AUTS2: variants seen among roughly 807,000 people sequenced by gnomAD.
AUTS2 encodes autism susceptibility gene 2 protein.
AUTS2 carries 17 observed loss-of-function variants against 112.4 expected under a neutral mutation model. That is an observed-to-expected ratio of 0.15 (90% CI 0.10 to 0.23). The LOEUF is 0.23. Among genes scored for constraint, AUTS2 ranks in the 10% least tolerant of loss-of-function variants. The pLI, the probability that AUTS2 is intolerant of heterozygous loss-of-function variation, is 1.00. For synonymous variants in AUTS2, 751 were observed against 702.7 expected (o/e 1.07, Z -1.09); for missense variants, 1,510 against 1,701.6 (o/e 0.89, Z 1.98).
At chr7:70,693,699 T>A (rs567239525) in intron 5 of AUTS2, among the ~76,000 whole-genome samples, 1 of 152,364 alleles carries the variant, frequency 6.6e-6, no homozygotes, top group South Asian at 2.1e-4. Context: ...CCAGAGAGCC[T>A]GCTCTTTGCA....
intron 6 of AUTS2, among the ~76,000 whole-genome samples, chr7:70,727,056 T>C (rs930459879): frequency 3.9e-5 from 6 of 152,196 alleles, no homozygotes; most frequent in African/African-American, 1.4e-4. Context: ...CTGATGAATG[T>C]GTAGAATTAG....
intron 1 of AUTS2, among the ~76,000 whole-genome samples, chr7:69,794,807 C>G (rs1233500596): frequency 6.6e-6 from 1 of 152,110 alleles, no homozygotes; most frequent in Non-Finnish European, 1.5e-5. Context: ...GAAGAACCCA[C>G]AGAGATCAGG....
intron 2 of AUTS2, among the ~76,000 whole-genome samples, chr7:69,963,235 C>T (rs1797501785): frequency 6.6e-6 from 1 of 152,040 alleles, no homozygotes; most frequent in African/African-American, 2.4e-5. Context: ...AATAAGAGCC[C>T]ACTTGATAGT....
intron 4 of AUTS2, among the ~76,000 whole-genome samples, chr7:70,324,440 A>G (rs1790394416): frequency 6.6e-6 from 1 of 152,124 alleles, no homozygotes; most frequent in South Asian, 2.1e-4. Context: ...TGGGCAACAT[A>G]GCAAGACCCT....
intron 4 of AUTS2, among the ~76,000 whole-genome samples, chr7:70,277,983 T>TGG: frequency 6.7e-6 from 1 of 149,230 alleles, no homozygotes; most frequent in Non-Finnish European, 1.5e-5. Context: ...TGTGTGTGTG[T>TGG]ATGACAGTAC....
intron 2 of AUTS2, among the ~76,000 whole-genome samples, chr7:70,110,279 G>A (rs1427181547): frequency 6.6e-6 from 1 of 152,218 alleles, no homozygotes; most frequent in Non-Finnish European, 1.5e-5. Flanking sequence ...ACTTTGGGAG[G>A]CCGATGTGGC....
chr7:69,598,926 A>G lies in AUTS2; in HGVS notation c.-728A>G, dbSNP rs575948411. 6.5e-5 allele frequency: 10 copies of G among 153,706 alleles called. No homozygotes were observed. In the East Asian group the frequency reaches 1.7e-3, roughly 27 times the overall value. 9.5% of individuals were successfully genotyped at this position (153,706 alleles called of 1,614,324 possible). On this transcript the variant is annotated 5_prime_UTR_variant, in exon 1 of 19. Transcript: ENST00000342771. The stretch of plus-strand genomic sequence containing the variant: ...GCCTCCCTTCTCCTCCGCCGCTCGC[A>G]GTTTCGCCCTCTCTTCCGCTAATGA...
chr7:70,189,155 G>C (rs893694566), intron 4 of AUTS2, among the ~76,000 whole-genome samples: 1 of 152,150 alleles, frequency 6.6e-6, no homozygotes, highest in Admixed American at 6.5e-5. Flanking sequence ...TCAGGAGAGT[G>C]TGCCTGTAAA....
intron 5 of AUTS2, among the ~76,000 whole-genome samples, chr7:70,646,437 G>A (rs1383793738): frequency 6.6e-6 from 1 of 152,292 alleles, no homozygotes; most frequent in South Asian, 2.1e-4. Context: ...CGTCAAGCGT[G>A]CATCTCACTT....
At chr7:70,281,299 AC>A (rs2129610519) in intron 4 of AUTS2, among the ~76,000 whole-genome samples, 1 of 152,348 alleles carries the variant, frequency 6.6e-6, no homozygotes, top group South Asian at 2.1e-4. Flanking sequence ...TACCTGCAGT[AC>A]AGACCAGCCT....
intron 2 of AUTS2, among the ~76,000 whole-genome samples, chr7:69,972,591 G>A (rs913504513): frequency 1.3e-5 from 2 of 151,520 alleles, no homozygotes; most frequent in Non-Finnish European, 2.9e-5. Flanking sequence ...TCATATTTAA[G>A]TCCATGATCC....
At chr7:70,619,910 A>G (rs1804580610) in intron 5 of AUTS2, among the ~76,000 whole-genome samples, 2 of 152,142 alleles carry the variant, frequency 1.3e-5, no homozygotes, top group South Asian at 4.1e-4. Context: ...TTCACTGTTC[A>G]GGTACTTGAG....
At chr7:70,698,857 C>CT in intron 6 of AUTS2, 2 of 387,154 alleles carry the variant, frequency 5.2e-6, no homozygotes, top group Non-Finnish European at 9.2e-6. Context: ...TGACTAATCA[C>CT]TACTACTATG....
chr7:69,794,969 A>G (rs1789776430), intron 1 of AUTS2, among the ~76,000 whole-genome samples: 1 of 152,168 alleles, frequency 6.6e-6, no homozygotes, highest in Non-Finnish European at 1.5e-5. Flanking sequence ...ATAGTAGTTA[A>G]GAATATAGAC....
At chr7:69,897,321 TTA>T (rs1240330417) in intron 1 of AUTS2, among the ~76,000 whole-genome samples, 1 of 152,166 alleles carries the variant, frequency 6.6e-6, no homozygotes, top group Non-Finnish European at 1.5e-5. Flanking sequence ...ACTGAGTAGC[TTA>T]TAAACAAGAA....
In AUTS2 at chr7:70,093,290, G is replaced by A. The variant is rs569183497; in HGVS notation, c.523-24842G>A. 1.1e-3 allele frequency among the ~76,000 whole-genome samples: 166 copies of A among 152,310 alleles called. 1 individual carries two copies. Among genetic ancestry groups the A allele is most frequent in the Non-Finnish European group, 1.6e-3 (107 of 68,032 alleles). ...CTTCCAACTTGATAGGACTTCAGCTGCAAATCTCTTCAGGTCTGCTGCCTC... is the reference window on the plus strand; with the variant it reads ...CTTCCAACTTGATAGGACTTCAGCTACAAATCTCTTCAGGTCTGCTGCCTC... On this transcript the variant is annotated intron_variant, in intron 2 of 18. Transcript: ENST00000342771.
At chr7:69,798,238 A>G (rs1789934006) in intron 1 of AUTS2, among the ~76,000 whole-genome samples, 1 of 152,104 alleles carries the variant, frequency 6.6e-6, no homozygotes, top group Admixed American at 6.5e-5. Flanking sequence ...TTGTGCTGGG[A>G]GGAACGTAAG....
At chr7:70,601,160 C>A (rs770124899) in intron 5 of AUTS2, among the ~76,000 whole-genome samples, 2 of 152,208 alleles carry the variant, frequency 1.3e-5, no homozygotes, top group African/African-American at 4.8e-5. Context: ...GTTCCAGTTT[C>A]TCCGTATTAT....
chr7:70,103,620 C>T (rs990325881), intron 2 of AUTS2, among the ~76,000 whole-genome samples: 34 of 152,030 alleles, frequency 2.2e-4, no homozygotes, highest in African/African-American at 8.2e-4. Flanking sequence ...AATTGTATAA[C>T]AGTAGGCTGG....
Sources: allele counts gnomAD v4.1 joint callset (sites outside exome capture counted in the v4.1 genomes callset), GRCh38; gene constraint gnomAD v4.1.1; transcripts MANE v1.5; gene names NCBI Gene and HGNC (gene_info 2026-07-23, HGNC 2026-07-21).